The following PADI2 variants were observed in gnomAD, a reference collection of about 807,000 sequenced individuals.
The protein encoded by PADI2 is peptidyl arginine deiminase 2.
A neutral mutation model predicts 81.1 loss-of-function variants in PADI2; 70 were observed. That is an observed-to-expected ratio of 0.86 (90% CI 0.71 to 1.05). PADI2 has a LOEUF of 1.05. Ranked by LOEUF, PADI2 falls within the 50% of genes least tolerant of loss-of-function variation. The probability of loss-of-function intolerance (pLI) is 0.00; values close to 1 mark genes in which losing one functional copy is unlikely to be tolerated. For synonymous variants in PADI2, 338 were observed against 358.0 expected (o/e 0.94, Z 0.63); for missense variants, 853 against 889.9 (o/e 0.96, Z 0.53).
chr1:17,093,430 G>A lies in PADI2; in HGVS notation c.529+137C>T, dbSNP rs145919565. 1.2e-3 allele frequency: 794 copies of A among 667,798 alleles called. 4 individuals are homozygous for A. In the African/African-American group the frequency reaches 0.013, roughly 11 times the overall value. The allele number at this position is 667,798 out of a possible 1,614,324, so 41.4% of individuals were successfully genotyped here. A position where few individuals can be genotyped will look rare whatever the true frequency, so the allele number is the denominator to read the frequency against. The stretch of plus-strand genomic sequence containing the variant: ...CCTATGGTTTTGCCTTTGGCTTTAA[G>A]CAAGAGTGGGAATTTGTGTCCACCA... On this transcript the variant is annotated intron_variant, in intron 5 of 15. Coordinates refer to ENST00000375486, the MANE Select transcript of PADI2 (RefSeq NM_007365.3).
chr1:17,083,464 G>A (rs1471154447), intron 9 of PADI2: 7 of 437,440 alleles, frequency 1.6e-5, no homozygotes, highest in African/African-American at 1.2e-4. Flanking sequence ...CCTTTTTAGC[G>A]GTTGCACAGA....
rs558959817 is a variant in PADI2, at chr1:17,109,480, C to A, written c.93-4419G>T. On this transcript the variant is annotated intron_variant, in intron 1 of 15. Coordinates refer to ENST00000375486, the MANE Select transcript of PADI2 (RefSeq NM_007365.3). ...CCCACCTTAACCAGAGCCACTACTA[C>A]TACTATTGTTTATTTATTTATTTTC... is the stretch of plus-strand genomic sequence containing the variant. Among the ~76,000 whole-genome samples, 3 of 146,104 alleles carry A rather than the reference C, an allele frequency of 2.1e-5. No individual in the cohort carries two copies. In the East Asian group the frequency reaches 6.4e-4, roughly 31 times the overall value.
intron 1 of PADI2, among the ~76,000 whole-genome samples, chr1:17,111,220 C>T (rs1445476939): frequency 1.3e-5 from 2 of 150,924 alleles, no homozygotes; most frequent in African/African-American, 4.9e-5. Context: ...CCTGAGTAGC[C>T]GGGATTATAG....
At chr1:17,097,891 C>T (rs905746637) in intron 3 of PADI2, among the ~76,000 whole-genome samples, 2 of 152,130 alleles carry the variant, frequency 1.3e-5, no homozygotes, top group Non-Finnish European at 2.9e-5. Context: ...ACTCCTCCCT[C>T]GGAAGGAGCC....
chr1:17,094,938 G>C (rs1222996542), intron 4 of PADI2, among the ~76,000 whole-genome samples: 4 of 152,190 alleles, frequency 2.6e-5, no homozygotes, highest in Non-Finnish European at 4.4e-5. Context: ...CCTTGCTCAC[G>C]ATCCTAGAAG....
intron 15 of PADI2, among the ~76,000 whole-genome samples, chr1:17,069,757 T>C (rs1487698934): frequency 1.3e-5 from 2 of 152,244 alleles, no homozygotes; most frequent in East Asian, 3.8e-4. Context: ...ATATGTATTG[T>C]TCTAACCTCT....
At position 17,095,921 on chromosome 1, in the gene PADI2, GTTC is replaced by G. The variant is rs781622481; in HGVS notation, c.396_398del (p.Lys132del). ...GAAAGCTAGGTACCTTCTTTGGGTT[GTTC>G]TTCTCCACCACACCATCCCGGTCTG... On this transcript the variant is annotated inframe_deletion, in exon 4 of 16. Transcript: ENST00000375486. 9.9e-6 allele frequency: 16 copies of G among 1,608,434 alleles called. No individual in the cohort carries two copies. In the Admixed American group the frequency reaches 1.7e-4, roughly 17 times the overall value.
chr1:17,106,077 C>A (rs1931365319), intron 1 of PADI2, among the ~76,000 whole-genome samples: 1 of 152,148 alleles, frequency 6.6e-6, no homozygotes, highest in African/African-American at 2.4e-5. Context: ...AGGGATGGAG[C>A]CCAGTGCCTG....
chr1:17,113,392 A>G (rs1381879014), intron 1 of PADI2, among the ~76,000 whole-genome samples: 1 of 152,084 alleles, frequency 6.6e-6, no homozygotes, highest in Non-Finnish European at 1.5e-5. Context: ...CGATAACCCC[A>G]TGAGGCCCAT....
At chr1:17,106,571 T>C (rs1457542253) in intron 1 of PADI2, among the ~76,000 whole-genome samples, 2 of 151,946 alleles carry the variant, frequency 1.3e-5, no homozygotes, top group Non-Finnish European at 2.9e-5. Flanking sequence ...GCCTTCTGAG[T>C]AGCTGGGATT....
At position 17,070,216 on chromosome 1, in the gene PADI2, G is replaced by T. The variant is rs1456723333; in HGVS notation, c.1636C>A (p.Arg546Ser). The T allele has an allele frequency of 3.7e-6, 6 of 1,613,606 alleles. No individual in the cohort carries two copies. The highest frequency in any genetic ancestry group is 1.3e-5 in the African/African-American group (1 of 74,916). ...ATGTCACGGTTCCAGTCTAGGCAGC[G>T]CTGGGTAGGAGAAAGGATGGAGGGC... The part of the protein sequence containing the change: ...SLVQENLYFQ[R>S]CLDWNRDILK... Residue 546 changes from arginine to serine, a missense_variant and splice_region_variant, in exon 15 of 16, where the codon CGC (arginine) becomes AGC (serine). Physicochemically the swap from Arg to Ser is moderately radical, Grantham distance 110. Transcript: ENST00000375486.
At position 17,104,892 on chromosome 1, in the gene PADI2, C is replaced by A; in HGVS notation, c.262G>T (p.Ala88Ser). Residue 88 changes from alanine (A) to serine (S), a missense_variant, in exon 2 of 16, where the codon GCC becomes TCC. Transcript: ENST00000375486. ...CGCCGTGGTACCTTGTCACTGCTGG[C>A]CTCGGTGCTCGCCTGGCTCATGGTG... is the stretch of plus-strand genomic sequence containing the variant. ...RVTMSQASTE[A>S]SSDKVTVNYY... is the part of the protein sequence containing the mutation. 1 of 1,578,700 alleles carries A rather than the reference C, an allele frequency of 6.3e-7. No homozygotes were observed.
At position 17,100,834 on chromosome 1, in the gene PADI2, G is replaced by C. The variant is rs553475792; in HGVS notation, c.349+2153C>G. ...GTGCCACCACGCCCAGTTAATTTTT[G>C]TATTTTTAGTAGAGATGTGGTTTCG... On this transcript the variant is annotated intron_variant, in intron 3 of 15. Coordinates refer to ENST00000375486, the MANE Select transcript of PADI2 (RefSeq NM_007365.3). Among the ~76,000 whole-genome samples the C allele has an allele frequency of 4.0e-5, 6 of 150,304 alleles. No individual in the cohort carries two copies. The East Asian group carries it at 1.2e-3, about 30-fold the overall frequency.
intron 1 of PADI2, among the ~76,000 whole-genome samples, chr1:17,109,060 C>T (rs1482337532): frequency 6.6e-6 from 1 of 152,034 alleles, no homozygotes; most frequent in East Asian, 1.9e-4. Context: ...AGGAGAGGCC[C>T]TGGGCAAAGG....
At chr1:17,075,594 T>C in intron 12 of PADI2, 85 bp downstream of exon 12, 1 of 1,269,538 alleles carries the variant, frequency 7.9e-7, no homozygotes, top group Non-Finnish European at 1.1e-6. Flanking sequence ...CGAGTTCCTC[T>C]AGCTCTTGCC....
At chr1:17,091,230 G>T (rs1930680369) in intron 6 of PADI2, among the ~76,000 whole-genome samples, 1 of 146,936 alleles carries the variant, frequency 6.8e-6, no homozygotes, top group South Asian at 2.3e-4. Flanking sequence ...GAATGCCCTG[G>T]ATCTAGTAGG....
chr1:17,087,052 A>G (rs1052615235), intron 6 of PADI2, among the ~76,000 whole-genome samples: 17 of 152,328 alleles, frequency 1.1e-4, no homozygotes, highest in Admixed American at 9.2e-4. Context: ...GAGGAAACCA[A>G]TCTCAGAAAG....
chr1:17,093,616 G>T lies in PADI2; in HGVS notation c.480C>A (p.Pro160=), dbSNP rs370920785. ...CACGGCAGTCCTCCTTGGGCAACCAGGGTGTCTCTCGGTCACAGTTCACCA... is the reference window on the plus strand; with the variant it reads ...CACGGCAGTCCTCCTTGGGCAACCATGGTGTCTCTCGGTCACAGTTCACCA... ...ILLVNCDRET[P]WLPKEDCRDE... is the part of the protein sequence containing the mutation. The change falls in exon 5 of 16, where the codon CCC becomes CCA. Residue 160 remains proline, a synonymous_variant. Transcript: ENST00000375486. 2.5e-6 allele frequency: 4 copies of T among 1,613,940 alleles called. No homozygotes were observed. Among genetic ancestry groups the T allele is most frequent in the South Asian group, 1.1e-5 (1 of 91,074 alleles).
In PADI2 at chr1:17,070,064, G is replaced by C. The variant is rs548293973; in HGVS notation, c.1764+24C>G. The C allele has an allele frequency of 6.8e-5, 109 of 1,611,520 alleles. 1 individual carries two copies. Among genetic ancestry groups the C allele is most frequent in the Middle Eastern group, 6.6e-4 (4 of 6,024 alleles). ...GCTGCCCTGTACTGGCATGGGGCGA[G>C]GGTTGGGGTCTGCAGGGCCTCACCA... On this transcript the variant is annotated intron_variant, in intron 15 of 15. Transcript: ENST00000375486.
Sources: allele counts gnomAD v4.1 joint callset (sites outside exome capture counted in the v4.1 genomes callset), GRCh38; gene constraint gnomAD v4.1.1; transcripts MANE v1.5; gene names NCBI Gene and HGNC (gene_info 2026-07-23, HGNC 2026-07-21).